Variants in ZNF546 observed in about 807,000 individuals in gnomAD.
ZNF546 encodes the protein CTC-471F3.6.
In ZNF546, 60 loss-of-function variants were observed where a neutral mutation model predicts 76.2. That is an observed-to-expected ratio of 0.79 (90% CI 0.64 to 0.98). The LOEUF is 0.98. Ranked by LOEUF, ZNF546 falls within the 50% of genes least tolerant of loss-of-function variation. The pLI is 0.00. For synonymous variants in ZNF546, 277 were observed against 328.1 expected, an observed-to-expected ratio of 0.84 and a Z score of 1.68; for missense variants, 936 against 1,035.6, an observed-to-expected ratio of 0.90 and a Z score of 1.32.
chr19:40,014,460 G>T lies in ZNF546; in HGVS notation c.1190G>T (p.Gly397Val). 6.2e-7 allele frequency: 1 copy of T among 1,613,914 alleles called. No homozygotes were observed. ...CNECGKAFSHGSYLVQHQKIH... is the reference protein window; with the variant it reads ...CNECGKAFSHVSYLVQHQKIH... ...GAATGTGGGAAGGCCTTTAGTCATG[G>T]CTCATACCTTGTTCAACATCAGAAA... is the stretch of plus-strand genomic sequence containing the variant. The change falls in exon 7 of 7, where the codon GGC (glycine) becomes GTC (valine). Residue 397 changes from glycine (G) to valine (V), a missense_variant. Physicochemically the swap from Gly to Val is moderately radical, Grantham distance 109 (BLOSUM62 -3). Coordinates refer to ENST00000347077, the MANE Select transcript of ZNF546 (RefSeq NM_178544.5).
chr19:40,009,443 A>G (rs1404522906), intron 6 of ZNF546, among the ~76,000 whole-genome samples: 1 of 152,226 alleles, frequency 6.6e-6, no homozygotes, highest in East Asian at 1.9e-4. Flanking sequence ...TTGAGGTATA[A>G]TTTATATAGT....
In ZNF546 at chr19:40,014,897, C is replaced by T. The variant is rs747413475; in HGVS notation, c.1627C>T (p.His543Tyr). ...AFRLQGELTRHHRIHTCEKPY... is the reference protein window; with the variant it reads ...AFRLQGELTRYHRIHTCEKPY... ...TCGTCTTCAAGGAGAACTTACCCGA[C>T]ATCACAGAATTCATACATGTGAGAA... Residue 543 changes from histidine (H) to tyrosine (Y), a missense_variant, in exon 7 of 7, where the codon CAT becomes TAT. Physicochemically the swap from His to Tyr is moderately conservative, Grantham distance 83 (BLOSUM62 2). Coordinates refer to ENST00000347077, the MANE Select transcript of ZNF546 (RefSeq NM_178544.5). The T allele has an allele frequency of 3.7e-6, 6 of 1,613,908 alleles. No homozygotes were observed. Among genetic ancestry groups the T allele is most frequent in the Non-Finnish European group, 4.2e-6 (5 of 1,179,930 alleles).
At chr19:40,007,000 G>A (rs925501519) in intron 4 of ZNF546, among the ~76,000 whole-genome samples, 2 of 152,194 alleles carry the variant, frequency 1.3e-5, no homozygotes, top group Admixed American at 6.5e-5. Context: ...GGGAAGAGAG[G>A]ATGATGGAAC....
In ZNF546 at chr19:40,020,807, G is replaced by A. The variant is rs922817355; in HGVS notation, c.*5026G>A. On this transcript the variant is annotated 3_prime_UTR_variant, in exon 7 of 7. Coordinates refer to ENST00000347077, the MANE Select transcript of ZNF546 (RefSeq NM_178544.5). The stretch of plus-strand genomic sequence containing the variant: ...AGAATATTCAGATCTAATGGCAGAT[G>A]CTTAGCTATGCTGGGAAAGGAAGTG... 2 of 152,146 alleles carry A rather than the reference G, an allele frequency of 1.3e-5. No homozygotes were observed. The highest frequency in any genetic ancestry group is 4.8e-5 in the African/African-American group (2 of 41,444). 9.4% of individuals were successfully genotyped at this position (152,146 alleles called of 1,614,324 possible).
Position 40,015,629 on chromosome 19 carries a change from A to C in ZNF546, c.2359A>C (p.Ser787Arg). Reference sequence around the variant, plus strand: ...ATGTAAAGAATGTGGGAAAGCCTTCAGTGTTAATTCAGAACTTACTCGACA... The same window carrying C: ...ATGTAAAGAATGTGGGAAAGCCTTCCGTGTTAATTCAGAACTTACTCGACA... ...YKCKECGKAF[S>R]VNSELTRHHR... The change falls in exon 7 of 7, where the codon AGT becomes CGT. Residue 787 changes from serine (S) to arginine (R), a missense_variant. Ser to Arg is a moderately radical substitution (Grantham distance 110). Transcript: ENST00000347077. 6.2e-7 allele frequency: 1 copy of C among 1,614,022 alleles called. No individual in the cohort carries two copies. Among genetic ancestry groups the C allele is most frequent in the Non-Finnish European group, 8.5e-7 (1 of 1,180,006 alleles).
In ZNF546 at chr19:40,014,478, A is replaced by C; in HGVS notation, c.1208A>C (p.His403Pro). The change falls in exon 7 of 7, where the codon CAT (histidine) becomes CCT (proline). Residue 403 changes from histidine (H) to proline (P), a missense_variant. Transcript: ENST00000347077. ...AGTCATGGCTCATACCTTGTTCAACATCAGAAAATTCATACTGGTGAAAAA... is the reference window on the plus strand; with the variant it reads ...AGTCATGGCTCATACCTTGTTCAACCTCAGAAAATTCATACTGGTGAAAAA... ...AFSHGSYLVQ[H>P]QKIHTGEKPY... is the part of the protein sequence containing the mutation. 6.2e-7 allele frequency: 1 copy of C among 1,614,164 alleles called. No individual in the cohort carries two copies. The highest frequency in any genetic ancestry group is 8.5e-7 in the Non-Finnish European group (1 of 1,180,030).
rs1219120737 is a variant in ZNF546, at chr19:40,006,146, A to T, written c.135A>T (p.Glu45Asp). The T allele has an allele frequency of 1.2e-6, 2 of 1,613,926 alleles. No individual in the cohort carries two copies. The highest frequency in any genetic ancestry group is 2.2e-5 in the South Asian group (2 of 90,992). ...LCFSMEETQG[E>D]LTSSCGSKTM... ...TCTCCATGGAGGAAACTCAAGGAGA[A>T]CTGACAAGTTCTTGTGGTTCTAAAA... Residue 45 changes from glutamate to aspartate, a missense_variant, in exon 4 of 7, where the codon GAA (glutamate) becomes GAT (aspartate). Transcript: ENST00000347077.
At position 40,015,306 on chromosome 19, in the gene ZNF546, A is replaced by G; in HGVS notation, c.2036A>G (p.His679Arg). 3 of 1,614,178 alleles carry G rather than the reference A, an allele frequency of 1.9e-6. No homozygotes were observed. Among genetic ancestry groups the G allele is most frequent in the South Asian group, 1.1e-5 (1 of 91,078 alleles). The change falls in exon 7 of 7, where the codon CAT (histidine) becomes CGT (arginine). Residue 679 changes from histidine to arginine, a missense_variant. Coordinates refer to ENST00000347077, the MANE Select transcript of ZNF546 (RefSeq NM_178544.5). ...GGGAAGACGTTTAGTCGGCACTATC[A>G]TCTTACTCAACATCACAGAGGCCAT... is the stretch of plus-strand genomic sequence containing the variant. ...ECGKTFSRHY[H>R]LTQHHRGHTG...
intron 3 of ZNF546, among the ~76,000 whole-genome samples, chr19:40,000,123 A>C (rs1242601812): frequency 1.3e-5 from 2 of 152,188 alleles, no homozygotes; most frequent in East Asian, 3.9e-4. Context: ...ACCTTTGAGA[A>C]ATTTACACCT....
Position 40,017,489 on chromosome 19 carries a change from G to T in ZNF546, c.*1708G>T, listed in dbSNP as rs1195646437. 6.6e-6 allele frequency: 1 copy of T among 152,172 alleles called. No individual in the cohort carries two copies. The highest frequency in any genetic ancestry group is 6.5e-5 in the Admixed American group (1 of 15,276). The allele number at this position is 152,172 out of a possible 1,614,324, so 9.4% of individuals were successfully genotyped here. A position where few individuals can be genotyped will look rare whatever the true frequency, so the allele number is the denominator to read the frequency against. Reference sequence around the variant, plus strand: ...TTGCTGTAGTATTTGAGTATAAATTGCAGATACTATAACACATCACATCTA... The same window carrying T: ...TTGCTGTAGTATTTGAGTATAAATTTCAGATACTATAACACATCACATCTA... On this transcript the variant is annotated 3_prime_UTR_variant, in exon 7 of 7. Transcript: ENST00000347077.
rs1337962477 is a variant in ZNF546 at position 39,998,513 on chromosome 19, G to T, written c.84+103G>T. On this transcript the variant is annotated intron_variant, in intron 3 of 6. Coordinates refer to ENST00000347077, the MANE Select transcript of ZNF546 (RefSeq NM_178544.5). The stretch of plus-strand genomic sequence containing the variant: ...TCCATCTTCTCCAATCTTCTCCAAA[G>T]ACCTCAGTTTTAAAATATGACAGGA... 7.0e-6 allele frequency: 7 copies of T among 1,003,434 alleles called. No homozygotes were observed. The Admixed American group carries it at 1.0e-4, about 15-fold the overall frequency. 62.2% of individuals were successfully genotyped at this position (1,003,434 alleles called of 1,614,324 possible). A position where few individuals can be genotyped will look rare whatever the true frequency, so the allele number is the denominator to read the frequency against.
At chr19:40,010,751 C>T (rs1328330982) in intron 6 of ZNF546, among the ~76,000 whole-genome samples, 6 of 152,182 alleles carry the variant, frequency 3.9e-5, no homozygotes, top group South Asian at 2.1e-4. Flanking sequence ...GGTGCGACCT[C>T]GGCTCACTGC....
At position 40,000,344 on chromosome 19, in the gene ZNF546, G is replaced by A. The variant is rs143657442; in HGVS notation, c.84+1934G>A. Among the ~76,000 whole-genome samples the A allele has an allele frequency of 6.2e-3, 940 of 152,096 alleles. 9 individuals carry two copies. Among genetic ancestry groups the A allele is most frequent in the African/African-American group, 0.021 (851 of 41,488 alleles). On this transcript the variant is annotated intron_variant, in intron 3 of 6. Transcript: ENST00000347077. ...TTATAACAGTAGAAAACAGAATAAG[G>A]GTGGGCATGGTGGCTCAAGCCTGTA...
chr19:40,010,630 T>C (rs1394429226), intron 6 of ZNF546, among the ~76,000 whole-genome samples: 1 of 152,166 alleles, frequency 6.6e-6, no homozygotes, highest in Non-Finnish European at 1.5e-5. Context: ...TTATCATCCA[T>C]ATATCTTCTT....
intron 3 of ZNF546, among the ~76,000 whole-genome samples, chr19:40,004,251 G>A (rs547382308): frequency 9.3e-5 from 14 of 151,154 alleles, no homozygotes; most frequent in African/African-American, 2.4e-4. Context: ...TATGTATGCC[G>A]GTGTGTATAT....
rs1971822620 is a variant in ZNF546 at position 40,019,279 on chromosome 19, C to G, written c.*3498C>G. On this transcript the variant is annotated 3_prime_UTR_variant, in exon 7 of 7. Transcript: ENST00000347077. ...GGGCCAGCACTTTGTTTCTCCTGCT[C>G]ACCACTCTACTCCCAGTGACTTAAT... 1 of 152,186 alleles carries G rather than the reference C, an allele frequency of 6.6e-6. No homozygotes were observed. Among genetic ancestry groups the G allele is most frequent in the South Asian group, 2.1e-4 (1 of 4,828 alleles). 9.4% of individuals were successfully genotyped at this position (152,186 alleles called of 1,614,324 possible).
rs952601852 is a variant in ZNF546 at position 40,019,296 on chromosome 19, T to C, written c.*3515T>C. ...CTCCTGCTCACCACTCTACTCCCAG[T>C]GACTTAATACTGTCTCTTTAACATA... On this transcript the variant is annotated 3_prime_UTR_variant, in exon 7 of 7. Coordinates refer to ENST00000347077, the MANE Select transcript of ZNF546 (RefSeq NM_178544.5). 13 of 152,208 alleles carry C rather than the reference T, an allele frequency of 8.5e-5. No homozygotes were observed. Among genetic ancestry groups the C allele is most frequent in the African/African-American group, 2.7e-4 (11 of 41,452 alleles). 9.4% of individuals were successfully genotyped at this position (152,208 alleles called of 1,614,324 possible). A position where few individuals can be genotyped will look rare whatever the true frequency, so the allele number is the denominator to read the frequency against.
In ZNF546 at chr19:40,015,416, A is replaced by G. The variant is rs200783916; in HGVS notation, c.2146A>G (p.Thr716Ala). 1 of 1,614,212 alleles carries G rather than the reference A, an allele frequency of 6.2e-7. No individual in the cohort carries two copies. Among genetic ancestry groups the G allele is most frequent in the Admixed American group, 1.7e-5 (1 of 60,032 alleles). The change falls in exon 7 of 7, where the codon ACT becomes GCT. Residue 716 changes from threonine to alanine, a missense_variant. Physicochemically the swap from Thr to Ala is moderately conservative, Grantham distance 58. Transcript: ENST00000347077. ...YRLTLHQRIH[T>A]GELPYECKEC... ...ACTTACATTACATCAAAGAATTCAC[A>G]CTGGTGAGCTTCCATATGAATGTAA...
At chr19:40,001,093 A>G (rs935861941) in intron 3 of ZNF546, among the ~76,000 whole-genome samples, 7 of 152,060 alleles carry the variant, frequency 4.6e-5, no homozygotes, top group East Asian at 1.9e-4. Flanking sequence ...TCGCACTCCT[A>G]TGAAAATCTA....
Sources: allele counts gnomAD v4.1 joint callset (sites outside exome capture counted in the v4.1 genomes callset), GRCh38; gene constraint gnomAD v4.1.1; transcripts MANE v1.5; gene names NCBI Gene and HGNC (gene_info 2026-07-23, HGNC 2026-07-21).